NAALADL2: variants seen among roughly 807,000 people sequenced by gnomAD.
The protein encoded by NAALADL2 is inactive N-acetylated-alpha-linked acidic dipeptidase-like protein 2.
In NAALADL2, 76 loss-of-function variants were observed where a neutral mutation model predicts 87.2. That is an observed-to-expected ratio of 0.87 (90% confidence interval 0.72 to 1.05). The LOEUF (loss-of-function observed/expected upper bound fraction) is 1.05, where lower values mean the gene tolerates loss of function less well. NAALADL2 is among the 50% of genes least tolerant of loss of function. NAALADL2 has a pLI of 0.00. For synonymous variants in NAALADL2, 354 were observed against 331.0 expected (o/e 1.07, Z -0.75); for missense variants, 1,089 against 945.8 (o/e 1.15, Z -1.99).
chr3:175,515,508 T>C (rs374629369), intron 9 of NAALADL2, among the ~76,000 whole-genome samples: 1 of 152,084 alleles, frequency 6.6e-6, no homozygotes, highest in East Asian at 1.9e-4. Context: ...AGTAGTGTTC[T>C]GTACATGGTC....
intron 2 of NAALADL2, among the ~76,000 whole-genome samples, chr3:174,709,766 C>A (rs901458487): frequency 1.1e-4 from 17 of 152,128 alleles, no homozygotes; most frequent in African/African-American, 3.9e-4. Flanking sequence ...CCTCCTGGAA[C>A]TTTTCAGTAG....
At chr3:175,313,108 T>G (rs542592617) in intron 4 of NAALADL2, among the ~76,000 whole-genome samples, 16 of 152,286 alleles carry the variant, frequency 1.1e-4, no homozygotes, top group Middle Eastern at 6.8e-3. Flanking sequence ...ATGGCCTTTT[T>G]ATTCTGTGCA....
intron 5 of NAALADL2, among the ~76,000 whole-genome samples, chr3:175,326,196 C>T (rs1435204061): frequency 6.6e-6 from 1 of 152,208 alleles, no homozygotes; most frequent in African/African-American, 2.4e-5. Context: ...CAGTCAAATT[C>T]GTTGCCACTT....
At chr3:175,080,285 T>C (rs1443242898) in intron 1 of NAALADL2, among the ~76,000 whole-genome samples, 1 of 152,218 alleles carries the variant, frequency 6.6e-6, no homozygotes, top group Non-Finnish European at 1.5e-5. Context: ...ATTTTTAGAA[T>C]AACTGTTAAG....
intron 1 of NAALADL2, among the ~76,000 whole-genome samples, chr3:174,872,549 T>G: frequency 6.6e-6 from 1 of 152,224 alleles, no homozygotes. Flanking sequence ...TTTTGTATTA[T>G]GCCTTTGTTC....
intron 2 of NAALADL2, among the ~76,000 whole-genome samples, chr3:175,146,670 T>C (rs1396346126): frequency 2.0e-5 from 3 of 152,138 alleles, no homozygotes; most frequent in African/African-American, 7.2e-5. Flanking sequence ...TGAAAGAGGC[T>C]GAAAGTTACT....
intron 1 of NAALADL2, among the ~76,000 whole-genome samples, chr3:175,004,376 C>CAAAAAAAAAAAAAAAAA (rs538715061): frequency 5.9e-5 from 2 of 33,852 alleles, no homozygotes; most frequent in Admixed American, 3.9e-4. Context: ...GAGACTATTT[C>CAAAAAAAAAAAAAAAAA]AAAAAAAAAA....
intron 2 of NAALADL2, among the ~76,000 whole-genome samples, chr3:175,188,976 G>T (rs1041576430): frequency 7.2e-5 from 11 of 152,074 alleles, no homozygotes; most frequent in African/African-American, 2.4e-4. Context: ...CTATATCCCT[G>T]CTCCCAAGGC....
At chr3:174,872,287 C>G (rs990420952) in intron 1 of NAALADL2, among the ~76,000 whole-genome samples, 4 of 152,112 alleles carry the variant, frequency 2.6e-5, no homozygotes, top group Non-Finnish European at 5.9e-5. Flanking sequence ...TTAAGAGTCA[C>G]GTCCACCACA....
At chr3:175,342,729 A>T (rs1327137955) in intron 5 of NAALADL2, among the ~76,000 whole-genome samples, 1 of 152,108 alleles carries the variant, frequency 6.6e-6, no homozygotes, top group African/African-American at 2.4e-5. Context: ...CATTATTTTT[A>T]TTACTACCTT....
chr3:175,368,598 T>TC (rs879321377), intron 5 of NAALADL2, among the ~76,000 whole-genome samples: 2,093 of 151,822 alleles, frequency 0.014, 70 homozygotes, highest in East Asian at 0.077. Flanking sequence ...TGTGTGTGTT[T>TC]ATAGCCAGTA....
chr3:174,611,252 A>G (rs1047633683), intron 2 of NAALADL2, among the ~76,000 whole-genome samples: 8 of 152,126 alleles, frequency 5.3e-5, no homozygotes, highest in East Asian at 3.9e-4. Flanking sequence ...CCAGTATGGC[A>G]CATGTATACA....
At chr3:174,880,987 C>A (rs556030244) in intron 1 of NAALADL2, among the ~76,000 whole-genome samples, 114 of 152,202 alleles carry the variant, frequency 7.5e-4, no homozygotes, top group Non-Finnish European at 1.3e-3. Flanking sequence ...CTTCACATGA[C>A]CTTCCTGTCT....
intron 11 of NAALADL2, among the ~76,000 whole-genome samples, chr3:175,631,147 T>A (rs1727706716): frequency 6.6e-6 from 1 of 151,750 alleles, no homozygotes; most frequent in East Asian, 1.9e-4. Flanking sequence ...TTGCTATAGA[T>A]TGCAAGCATG....
chr3:175,705,458 C>T (rs543765630), intron 11 of NAALADL2, among the ~76,000 whole-genome samples: 1 of 151,158 alleles, frequency 6.6e-6, no homozygotes, highest in African/African-American at 2.4e-5. Flanking sequence ...GAGAGGTGTC[C>T]CAATTACCTC....
intron 2 of NAALADL2, among the ~76,000 whole-genome samples, chr3:174,605,329 G>A (rs1718898376): frequency 2.0e-5 from 3 of 152,170 alleles, no homozygotes; most frequent in Admixed American, 2.0e-4. Flanking sequence ...GACAGTGGGT[G>A]CAGCGCACCG....
chr3:174,851,416 T>C (rs1314024395), intron 3 of NAALADL2, among the ~76,000 whole-genome samples: 5 of 137,524 alleles, frequency 3.6e-5, no homozygotes, highest in Admixed American at 1.4e-4. Context: ...AAAATCAGAG[T>C]TGAAAAAGGA....
chr3:175,426,180 G>A (rs574299050), intron 5 of NAALADL2, among the ~76,000 whole-genome samples: 3 of 152,122 alleles, frequency 2.0e-5, no homozygotes, highest in Admixed American at 2.0e-4. Context: ...TCTGGCCAGC[G>A]TATTGAAACC....
intron 3 of NAALADL2, among the ~76,000 whole-genome samples, chr3:174,747,646 A>AG (rs1734395870): frequency 6.7e-6 from 1 of 149,346 alleles, no homozygotes; most frequent in Non-Finnish European, 1.5e-5. Flanking sequence ...AAAAAAAAAA[A>AG]GAAAGTCAAG....
Sources: allele counts gnomAD v4.1 joint callset (sites outside exome capture counted in the v4.1 genomes callset), GRCh38; gene constraint gnomAD v4.1.1; transcripts MANE v1.5; gene names NCBI Gene and HGNC (gene_info 2026-07-23, HGNC 2026-07-21).